Variants in MTCL2 observed in about 807,000 individuals in gnomAD.
MTCL2 encodes the protein microtubule cross-linking factor 2.
the MTCL2 span, among the ~76,000 whole-genome samples, chr20:36,850,540 A>C: frequency 6.7e-6 from 1 of 148,162 alleles, no homozygotes; most frequent in Non-Finnish European, 1.5e-5. Context: ...AAAAAAAAAG[A>C]AAAAAAAAAG....
chr20:36,812,955 AC>A, the MTCL2 span: 1 of 1,318,150 alleles, frequency 7.6e-7, no homozygotes, highest in Non-Finnish European at 1.0e-6. Flanking sequence ...GGCTTGAACC[AC>A]CCACCTGAGG....
the MTCL2 span, among the ~76,000 whole-genome samples, chr20:36,860,630 A>AT: frequency 7.9e-5 from 12 of 152,192 alleles, no homozygotes; most frequent in African/African-American, 2.2e-4. Context: ...AAGAGCAGTG[A>AT]TCAGAGGTTT....
the MTCL2 span, chr20:36,829,356 CAA>C: frequency 2.6e-6 from 2 of 781,592 alleles, no homozygotes; most frequent in Non-Finnish European, 3.9e-6. Context: ...TGCAGATGAG[CAA>C]ACTGAGGCAC....
At chr20:36,812,740 A>G in the MTCL2 span, 1 of 1,614,008 alleles carries the variant, frequency 6.2e-7, no homozygotes, top group Non-Finnish European at 8.5e-7. Flanking sequence ...CAGCTCGGTA[A>G]GGCCTGAAGC....
the MTCL2 span, among the ~76,000 whole-genome samples, chr20:36,806,251 T>TG: frequency 6.6e-6 from 1 of 152,100 alleles, no homozygotes; most frequent in African/African-American, 2.4e-5. Flanking sequence ...GGGACCTTGC[T>TG]GGGGGGTTGG....
the MTCL2 span, chr20:36,863,004 G>C: frequency 7.1e-7 from 1 of 1,402,502 alleles, no homozygotes; most frequent in Non-Finnish European, 9.3e-7. The surrounding 1 kb of genome is among the most constrained non-coding windows in gnomAD (Gnocchi z 6.2). Context: ...CGTGAGGCTG[G>C]GGGGCGGCGG....
At chr20:36,829,286 C>T in the MTCL2 span, 1 of 1,448,546 alleles carries the variant, frequency 6.9e-7, no homozygotes, top group East Asian at 2.5e-5. Context: ...ACTGACCACC[C>T]GACTTTCACA....
At chr20:36,818,671 G>A in the MTCL2 span, among the ~76,000 whole-genome samples, 1 of 152,060 alleles carries the variant, frequency 6.6e-6, no homozygotes. Flanking sequence ...AGCAATAGGG[G>A]AAAAAATAGA....
the MTCL2 span, among the ~76,000 whole-genome samples, chr20:36,832,299 G>A: frequency 6.6e-6 from 1 of 152,140 alleles, no homozygotes; most frequent in Non-Finnish European, 1.5e-5. Context: ...CTCCCATCTG[G>A]GCCAGCTCCT....
At chr20:36,822,759 CTTT>C in the MTCL2 span, among the ~76,000 whole-genome samples, 11 of 141,232 alleles carry the variant, frequency 7.8e-5, no homozygotes, top group Non-Finnish European at 7.8e-5. Flanking sequence ...ACTCTAGATT[CTTT>C]TTTTTTTTTT....
the MTCL2 span, chr20:36,777,815 G>C: frequency 8.1e-6 from 5 of 619,420 alleles, no homozygotes; most frequent in African/African-American, 2.0e-5. Flanking sequence ...AGGATGAGGA[G>C]GAAGGGCAGC....
At chr20:36,781,688 T>C in the MTCL2 span, 1 of 149,382 alleles carries the variant, frequency 6.7e-6, no homozygotes, top group East Asian at 1.9e-4. Flanking sequence ...TCTCTAAAAA[T>C]AATAATAATA....
At chr20:36,847,982 C>CA in the MTCL2 span, among the ~76,000 whole-genome samples, 1 of 151,798 alleles carries the variant, frequency 6.6e-6, no homozygotes, top group African/African-American at 2.4e-5. Flanking sequence ...TCCGTCTCTA[C>CA]AAAAAAATAA....
the MTCL2 span, among the ~76,000 whole-genome samples, chr20:36,849,633 CT>C: frequency 3.9e-5 from 6 of 152,186 alleles, no homozygotes; most frequent in East Asian, 7.7e-4. Flanking sequence ...GGGGGTCTTG[CT>C]TTAGTGATTT....
the MTCL2 span, among the ~76,000 whole-genome samples, chr20:36,843,329 T>C: frequency 6.6e-6 from 1 of 152,168 alleles, no homozygotes; most frequent in African/African-American, 2.4e-5. Context: ...GAGTCAGGGT[T>C]AGGGAGCCCT....
chr20:36,858,756 C>A, the MTCL2 span, among the ~76,000 whole-genome samples: 65,495 of 151,914 alleles, frequency 0.43, 15,066 homozygotes, highest in Middle Eastern at 0.65. Context: ...TCCTGATGAC[C>A]ATCGTATGAG....
the MTCL2 span, chr20:36,805,896 G>C: frequency 1.2e-6 from 2 of 1,613,698 alleles, no homozygotes; most frequent in Non-Finnish European, 8.5e-7. Flanking sequence ...CTTGTTATCA[G>C]AATGCTGAGC....
At chr20:36,814,576 C>T in the MTCL2 span, among the ~76,000 whole-genome samples, 1 of 151,998 alleles carries the variant, frequency 6.6e-6, no homozygotes, top group Non-Finnish European at 1.5e-5. Flanking sequence ...TGGCAAGATT[C>T]CATCTCTACA....
At chr20:36,828,728 A>G in the MTCL2 span, 2 of 270,748 alleles carry the variant, frequency 7.4e-6, no homozygotes, top group East Asian at 1.9e-4. Flanking sequence ...CATGCCTGAC[A>G]TTGTTGCATG....
Sources: gnomAD v4.1 joint callset for allele counts (sites outside exome capture counted in the v4.1 genomes callset) on GRCh38, gnomAD v4.1.1 for gene constraint, Gnocchi (gnomAD v3.1) non-coding constraint, MANE v1.5 for transcripts, NCBI Gene and HGNC (gene_info 2026-07-23, HGNC 2026-07-21) for gene names.